The following AGK variants were observed in gnomAD, a reference collection of about 807,000 sequenced individuals.
AGK encodes acylglycerol kinase.
Under a neutral mutation model 66.4 loss-of-function variants are expected in AGK, and 52 were observed. The observed-to-expected ratio is 0.78, with a 90% CI of 0.63 to 0.99. AGK has a LOEUF of 0.99. AGK is among the 50% of genes least tolerant of loss of function. The pLI, the probability that AGK is intolerant of heterozygous loss-of-function variation, is 0.00. For synonymous variants in AGK, 182 were observed against 181.1 expected (o/e 1.00, Z -0.04); for missense variants, 451 against 506.6 (o/e 0.89, Z 1.05).
chr7:141,592,835 T>C (rs112372897), intron 2 of AGK, among the ~76,000 whole-genome samples: 20 of 152,092 alleles, frequency 1.3e-4, no homozygotes, highest in African/African-American at 4.3e-4. Context: ...TCCCGAGTAG[T>C]TGGGATTACA....
chr7:141,650,928 A>G (rs575906413), intron 14 of AGK, among the ~76,000 whole-genome samples: 1 of 152,282 alleles, frequency 6.6e-6, no homozygotes, highest in Admixed American at 6.5e-5. Context: ...TGTAAATGCT[A>G]TGTGGATGGT....
rs556480127 is a variant in AGK at position 141,631,921 on chromosome 7, C to T, written c.589-1980C>T. Among the ~76,000 whole-genome samples, 127 of 152,248 alleles carry T rather than the reference C, an allele frequency of 8.3e-4. 1 individual carries two copies. The highest frequency in any genetic ancestry group is 2.9e-3 in the African/African-American group (121 of 41,544). On this transcript the variant is annotated intron_variant, in intron 9 of 15. Transcript: ENST00000649286. ...ATGTTAGTGCATCATTGATATCCTC[C>T]ATCACCTCCTTATATTAATAAGCAA...
intron 11 of AGK, among the ~76,000 whole-genome samples, chr7:141,640,030 AT>A (rs1797254413): frequency 6.6e-6 from 1 of 152,160 alleles, no homozygotes; most frequent in Admixed American, 6.5e-5. Context: ...AGAATCCTCA[AT>A]GTGATTGAAA....
intron 5 of AGK, among the ~76,000 whole-genome samples, chr7:141,604,234 TA>T (rs1021027370): frequency 2.0e-5 from 3 of 151,256 alleles, no homozygotes; most frequent in Middle Eastern, 3.5e-3. Context: ...CTCAAACTTA[TA>T]AAAAAAATGT....
chr7:141,647,950 C>T (rs1033307026), intron 13 of AGK, among the ~76,000 whole-genome samples: 70 of 152,274 alleles, frequency 4.6e-4, no homozygotes, highest in African/African-American at 1.6e-3. Context: ...AGATCACAGG[C>T]GTGAGCCACC....
intron 13 of AGK, among the ~76,000 whole-genome samples, chr7:141,648,033 G>A (rs867689218): frequency 6.6e-6 from 1 of 152,184 alleles, no homozygotes; most frequent in Non-Finnish European, 1.5e-5. Flanking sequence ...CTGCTCTACA[G>A]TGGCACCTGC....
intron 6 of AGK, among the ~76,000 whole-genome samples, chr7:141,611,906 C>T (rs545052509): frequency 1.6e-4 from 24 of 152,338 alleles, no homozygotes; most frequent in Non-Finnish European, 2.2e-4. Flanking sequence ...CAAAATGGTA[C>T]AGCCACTTTG....
At chr7:141,590,174 C>A (rs181742489) in intron 2 of AGK, among the ~76,000 whole-genome samples, 78 of 152,212 alleles carry the variant, frequency 5.1e-4, no homozygotes, top group African/African-American at 1.8e-3. Context: ...ATATTCAGGG[C>A]TATTGTCTTT....
At chr7:141,619,551 T>A (rs573791188) in intron 8 of AGK, among the ~76,000 whole-genome samples, 1 of 152,138 alleles carries the variant, frequency 6.6e-6, no homozygotes, top group South Asian at 2.1e-4. Flanking sequence ...AAATGGATTG[T>A]AAACCTATAT....
chr7:141,573,226 T>A lies in AGK; in HGVS notation c.101+17659T>A, dbSNP rs142873494. ...CTCATTTATGGGCAATTAAATAACA[T>A]GCCTGTCAGCCCAGATTTGATAGGG... is the stretch of plus-strand genomic sequence containing the variant. On this transcript the variant is annotated intron_variant, in intron 2 of 15. Coordinates refer to ENST00000649286, the MANE Select transcript of AGK (RefSeq NM_018238.4). 3.9e-5 allele frequency among the ~76,000 whole-genome samples: 6 copies of A among 152,350 alleles called. No individual in the cohort carries two copies. The East Asian group carries it at 1.2e-3, about 29-fold the overall frequency.
At chr7:141,631,017 G>C (rs1385128031) in intron 9 of AGK, among the ~76,000 whole-genome samples, 2 of 152,146 alleles carry the variant, frequency 1.3e-5, no homozygotes, top group African/African-American at 2.4e-5. Flanking sequence ...GTGGATGAGT[G>C]AAAACATACC....
Position 141,654,055 on chromosome 7 carries a change from T to C in AGK, c.*1131T>C, listed in dbSNP as rs1433094890. The C allele has an allele frequency of 6.6e-6, 1 of 152,192 alleles. No homozygotes were observed. The highest frequency in any genetic ancestry group is 1.5e-5 in the Non-Finnish European group (1 of 68,034). 9.4% of individuals were successfully genotyped at this position (152,192 alleles called of 1,614,324 possible). A position where few individuals can be genotyped will look rare whatever the true frequency, so the allele number is the denominator to read the frequency against. On this transcript the variant is annotated 3_prime_UTR_variant, in exon 16 of 16. Coordinates refer to ENST00000649286, the MANE Select transcript of AGK (RefSeq NM_018238.4). Reference sequence around the variant, plus strand: ...TACCACTTTTCAGCCAAGAATCCTATCATAATGTAATCTATTATGCCCGAC... The same window carrying C: ...TACCACTTTTCAGCCAAGAATCCTACCATAATGTAATCTATTATGCCCGAC...
chr7:141,650,654 T>C (rs765559308), intron 14 of AGK: 307 of 985,282 alleles, frequency 3.1e-4, no homozygotes, highest in Admixed American at 3.7e-4. Flanking sequence ...CTGCATGAGG[T>C]GGAGTGTGTG....
chr7:141,640,788 G>A (rs1229943532), intron 11 of AGK, among the ~76,000 whole-genome samples: 3 of 152,176 alleles, frequency 2.0e-5, no homozygotes, highest in African/African-American at 7.2e-5. Flanking sequence ...GGGCTTTGAA[G>A]CAGAAGTGAG....
At chr7:141,562,780 C>T (rs1210391461) in intron 2 of AGK, among the ~76,000 whole-genome samples, 4 of 152,318 alleles carry the variant, frequency 2.6e-5, no homozygotes, top group East Asian at 3.9e-4. Flanking sequence ...TAAGCTTCCC[C>T]GCTGAGAAAG....
chr7:141,605,560 A>G (rs767390978), intron 5 of AGK, among the ~76,000 whole-genome samples: 1 of 152,188 alleles, frequency 6.6e-6, no homozygotes, highest in Non-Finnish European at 1.5e-5. Context: ...TGATGCATCA[A>G]AGATGTTTTC....
At chr7:141,647,963 G>A (rs1441568775) in intron 13 of AGK, among the ~76,000 whole-genome samples, 6 of 152,168 alleles carry the variant, frequency 3.9e-5, no homozygotes, top group East Asian at 3.9e-4. Flanking sequence ...GAGCCACCGC[G>A]CCTGGCCAAA....
At chr7:141,605,962 G>A (rs1369204752) in intron 5 of AGK, among the ~76,000 whole-genome samples, 1 of 152,040 alleles carries the variant, frequency 6.6e-6, no homozygotes, top group Non-Finnish European at 1.5e-5. Context: ...ATAGATCAGT[G>A]GTTTTCAACT....
At chr7:141,619,162 T>G (rs1587135025) in intron 8 of AGK, among the ~76,000 whole-genome samples, 1 of 152,284 alleles carries the variant, frequency 6.6e-6, no homozygotes, top group Non-Finnish European at 1.5e-5. Context: ...CAATCAATGT[T>G]TCACAAGGCT....
Sources: allele counts gnomAD v4.1 joint callset (sites outside exome capture counted in the v4.1 genomes callset), GRCh38; gene constraint gnomAD v4.1.1; transcripts MANE v1.5; gene names NCBI Gene and HGNC (gene_info 2026-07-23, HGNC 2026-07-21).